USP4: variants seen among roughly 807,000 people sequenced by gnomAD.
USP4 encodes the protein ubiquitin carboxyl-terminal hydrolase 4.
In USP4, 72 loss-of-function variants were observed where a neutral mutation model predicts 118.2. That is an observed-to-expected ratio of 0.61 (90% CI 0.50 to 0.74). USP4 has a LOEUF of 0.74. Ranked by LOEUF, USP4 falls within the 30% of genes least tolerant of loss-of-function variation. The pLI, the probability that USP4 is intolerant of heterozygous loss-of-function variation, is 0.00. For missense variants in USP4, 1,037 were observed against 1,185.7 expected (o/e 0.87, Z 1.84); for synonymous variants, 415 against 440.4 (o/e 0.94, Z 0.72).
In USP4 at chr3:49,280,826, A is replaced by G. The variant is rs1283641463; in HGVS notation, c.2562T>C (p.Phe854=). 1.9e-6 allele frequency: 3 copies of G among 1,614,062 alleles called. No homozygotes were observed. In the Admixed American group the frequency reaches 5.0e-5, roughly 27 times the overall value. ...FPIRGLNMSE[F]VCNLSARPYV... is the part of the protein sequence containing the mutation. Reference sequence around the variant, plus strand: ...AAGGCCTTGCTGACAGGTTACAGACAAACTCGGACATGTTCAGCCCTCTGA... The same window carrying G: ...AAGGCCTTGCTGACAGGTTACAGACGAACTCGGACATGTTCAGCCCTCTGA... The change falls in exon 20 of 22, where the codon TTT becomes TTC. Residue 854 remains phenylalanine (F), a synonymous_variant. Coordinates refer to ENST00000265560, the MANE Select transcript of USP4 (RefSeq NM_003363.4).
rs1321532811 is a variant in USP4, at chr3:49,330,470, G to GGCACCCGCCACC, written c.230-2666_230-2655dup. ...AGCCTCCCGAGGAGCTGGGACTACA[G>GGCACCCGCCACC]GCACCCGCCACCACACCCGGTTAAT... is the stretch of plus-strand genomic sequence containing the variant. On this transcript the variant is annotated intron_variant, in intron 2 of 21. Coordinates refer to ENST00000265560, the MANE Select transcript of USP4 (RefSeq NM_003363.4). 6.6e-5 allele frequency among the ~76,000 whole-genome samples: 10 copies of GGCACCCGCCACC among 151,860 alleles called. No homozygotes were observed. In the South Asian group the frequency reaches 2.1e-3, roughly 32 times the overall value.
At chr3:49,321,238 C>A (rs2047496856) in intron 6 of USP4, among the ~76,000 whole-genome samples, 1 of 152,176 alleles carries the variant, frequency 6.6e-6, no homozygotes, top group African/African-American at 2.4e-5. Context: ...GTTATACATT[C>A]AATTTTCCGT....
At chr3:49,292,028 C>T (rs1002498200) in intron 15 of USP4, among the ~76,000 whole-genome samples, 1 of 151,992 alleles carries the variant, frequency 6.6e-6, no homozygotes, top group Non-Finnish European at 1.5e-5. Flanking sequence ...AGAATGGTCT[C>T]GATCTCCTGA....
chr3:49,311,583 G>C lies in USP4; in HGVS notation c.767C>G (p.Ser256Cys). The C allele has an allele frequency of 6.2e-7, 1 of 1,614,068 alleles. No individual in the cohort carries two copies. The highest frequency in any genetic ancestry group is 8.5e-7 in the Non-Finnish European group (1 of 1,179,948). The change falls in exon 7 of 22, where the codon TCT becomes TGT. Residue 256 changes from serine (S) to cysteine (C), a missense_variant. Ser to Cys is a moderately radical substitution (Grantham distance 112, BLOSUM62 -1). This residue lies in a region of USP4 where 487 missense variants were observed against 534.1 expected (regional missense o/e 0.91). Transcript: ENST00000265560. ...KSSASPYSSV[S>C]ASLIANGDST... ...ATCACCATTTGCAATGAGAGAGGCAGACACTGAGGAATAGGGACTTGCTGA... is the reference window on the plus strand; with the variant it reads ...ATCACCATTTGCAATGAGAGAGGCACACACTGAGGAATAGGGACTTGCTGA...
intron 1 of USP4, among the ~76,000 whole-genome samples, chr3:49,338,109 T>G (rs1176523058): frequency 6.7e-6 from 1 of 150,312 alleles, no homozygotes; most frequent in Non-Finnish European, 1.5e-5. Context: ...AAACAATCTC[T>G]GTGGAGCAAC....
intron 16 of USP4, 98 bp from the exon 17 acceptor site, chr3:49,285,017 A>ATT: frequency 1.2e-6 from 1 of 846,864 alleles, no homozygotes; most frequent in East Asian, 2.6e-5. Context: ...AGGCCACACC[A>ATT]TCAACACCTT....
chr3:49,327,090 C>T (rs2047563514), intron 3 of USP4, among the ~76,000 whole-genome samples: 1 of 152,066 alleles, frequency 6.6e-6, no homozygotes. Context: ...GTCCATATGC[C>T]CCCAGTGAAC....
At chr3:49,310,049 A>G (rs1259253144) in intron 8 of USP4, among the ~76,000 whole-genome samples, 1 of 131,478 alleles carries the variant, frequency 7.6e-6, no homozygotes, top group African/African-American at 2.9e-5. Context: ...CCCAGGTTCA[A>G]GTGATTCTCC....
chr3:49,283,534 C>T (rs2047062487), intron 19 of USP4, among the ~76,000 whole-genome samples: 1 of 152,110 alleles, frequency 6.6e-6, no homozygotes, highest in Non-Finnish European at 1.5e-5. Context: ...TATGAGTAGA[C>T]AGCCAGTCCC....
Position 49,302,374 on chromosome 3 carries a change from AATGGC to A in USP4, c.1287+5_1287+9del. The A allele has an allele frequency of 6.2e-7, 1 of 1,612,984 alleles. No individual in the cohort carries two copies. ...GGCATATTATCATTCAGACATCATT[AATGGC>A]ATACCGCATCTGGCCGCCCATTGGC... On this transcript the variant is annotated splice_donor_5th_base_variant and intron_variant, in intron 10 of 21. Coordinates refer to ENST00000265560, the MANE Select transcript of USP4 (RefSeq NM_003363.4).
intron 2 of USP4, among the ~76,000 whole-genome samples, chr3:49,334,044 T>G (rs907832605): frequency 1.3e-5 from 2 of 151,558 alleles, no homozygotes; most frequent in Non-Finnish European, 2.9e-5. Context: ...AGCTCCCTGA[T>G]CACTGATCAC....
rs11309567 is a variant in USP4 at position 49,278,142 on chromosome 3, CTT to C, written c.*149_*150del. ...TAGCTTCTTCTAGGTAAACGGTCTT[CTT>C]TTTTTTTTTTTGTTTCCTTCTGCTC... On this transcript the variant is annotated 3_prime_UTR_variant, in exon 22 of 22. Coordinates refer to ENST00000265560, the MANE Select transcript of USP4 (RefSeq NM_003363.4). The C allele has an allele frequency of 0.063, 37,700 of 593,868 alleles. No individual in the cohort carries two copies. The highest frequency in any genetic ancestry group is 0.11 in the East Asian group (2,051 of 18,344). The allele number at this position is 593,868 out of a possible 1,614,324, so 36.8% of individuals were successfully genotyped here.
At chr3:49,293,203 C>A (rs1264432350) in intron 14 of USP4, among the ~76,000 whole-genome samples, 1 of 151,868 alleles carries the variant, frequency 6.6e-6, no homozygotes, top group Non-Finnish European at 1.5e-5. Flanking sequence ...ATGGTGAAAC[C>A]CCATCTCTAC....
intron 1 of USP4, among the ~76,000 whole-genome samples, chr3:49,338,131 A>G (rs2047691652): frequency 6.6e-6 from 1 of 151,746 alleles, no homozygotes; most frequent in South Asian, 2.1e-4. Flanking sequence ...AAGCATCAAC[A>G]ATTATATTGG....
At position 49,298,777 on chromosome 3, in the gene USP4, C is replaced by A. The variant is rs2047234849; in HGVS notation, c.1513-142G>T. ...GGTCAGGGTACAGATGAGTCAGAAG[C>A]AGAGCAAATAAGCAGGACCTCTATG... On this transcript the variant is annotated intron_variant, in intron 11 of 21. Transcript: ENST00000265560. 1.1e-5 allele frequency: 8 copies of A among 711,040 alleles called. No individual in the cohort carries two copies. In the South Asian group the frequency reaches 1.3e-4, roughly 12 times the overall value. 44.0% of individuals were successfully genotyped at this position (711,040 alleles called of 1,614,324 possible). A position where few individuals can be genotyped will look rare whatever the true frequency, so the allele number is the denominator to read the frequency against.
At chr3:49,314,245 C>G (rs943641328) in intron 6 of USP4, among the ~76,000 whole-genome samples, 1 of 152,036 alleles carries the variant, frequency 6.6e-6, no homozygotes, top group Admixed American at 6.6e-5. Flanking sequence ...TTATATAGGG[C>G]CTAAGCAGGT....
At chr3:49,294,727 C>T in intron 13 of USP4, 129 bp from the exon 14 acceptor site, 1 of 880,314 alleles carries the variant, frequency 1.1e-6, no homozygotes. Context: ...GAAAAGGTGG[C>T]TATAACTATT....
rs1458676830 is a variant in USP4, at chr3:49,284,927, G to A, written c.2201-8C>T. The A allele has an allele frequency of 2.6e-6, 4 of 1,513,700 alleles. No individual in the cohort carries two copies. Among genetic ancestry groups the A allele is most frequent in the Non-Finnish European group, 8.8e-7 (1 of 1,131,496 alleles). The allele number at this position is 1,513,700 out of a possible 1,614,324, so 93.8% of individuals were successfully genotyped here. On this transcript the variant is annotated splice_region_variant and splice_polypyrimidine_tract_variant and intron_variant, in intron 16 of 21. Coordinates refer to ENST00000265560, the MANE Select transcript of USP4 (RefSeq NM_003363.4). ...TGGCCAGTGTAGATCGAGCTGAGGA[G>A]GACCAAAATGTCACTTGTTATGGAA...
intron 2 of USP4, among the ~76,000 whole-genome samples, chr3:49,333,848 C>G (rs2047643747): frequency 6.6e-6 from 1 of 151,954 alleles, no homozygotes; most frequent in Non-Finnish European, 1.5e-5. Flanking sequence ...GGAGAAACCC[C>G]ATCTCTACTA....
Sources: gnomAD v4.1 joint callset for allele counts (sites outside exome capture counted in the v4.1 genomes callset) on GRCh38, gnomAD v4.1.1 for gene constraint, gnomAD v4.1.1 regional missense constraint, MANE v1.5 for transcripts, NCBI Gene and HGNC (gene_info 2026-07-23, HGNC 2026-07-21) for gene names.